Variants in MYZAP observed in about 807,000 individuals in gnomAD.
MYZAP encodes myocardial zonula adherens protein.
In MYZAP, 66 loss-of-function variants were observed where a neutral mutation model predicts 69.4. The ratio of observed to expected loss-of-function variants is 0.95; its 90% CI spans 0.78 to 1.17. The LOEUF (loss-of-function observed/expected upper bound fraction) is 1.17. Among genes scored for constraint, MYZAP ranks in the 50% most tolerant of loss-of-function variants. The pLI, the probability that MYZAP is intolerant of heterozygous loss-of-function variation, is 0.00. For missense variants in MYZAP, 611 were observed against 556.2 expected (o/e 1.10, Z -0.99); for synonymous variants, 256 against 205.9 (o/e 1.24, Z -2.09).
intron 4 of MYZAP, among the ~76,000 whole-genome samples, chr15:57,622,905 A>G (rs1333019211): frequency 4.6e-5 from 7 of 152,250 alleles, no homozygotes; most frequent in Admixed American, 3.9e-4. Context: ...TGTCAAAGTC[A>G]AATGACCGGG....
rs761744889 is a variant in MYZAP, at chr15:57,684,381, C to T, written c.1305-21C>T. On this transcript the variant is annotated intron_variant, in intron 12 of 12. Transcript: ENST00000267853. The stretch of plus-strand genomic sequence containing the variant: ...TTTTGTTTTGTTTCATTTTCCTGAC[C>T]TGCATTTTCTCATTTCTCAGCCAAA... The T allele has an allele frequency of 1.3e-5, 21 of 1,566,126 alleles. No individual in the cohort carries two copies. In the African/African-American group the frequency reaches 2.4e-4, roughly 18 times the overall value.
intron 11 of MYZAP, among the ~76,000 whole-genome samples, chr15:57,664,349 A>G (rs562401414): frequency 2.0e-5 from 3 of 152,286 alleles, no homozygotes; most frequent in South Asian, 2.1e-4. Context: ...TTCTTTATCA[A>G]TATTTCATCA....
chr15:57,684,559 A>G lies in MYZAP; in HGVS notation c.*61A>G, dbSNP rs1328523168. ...AAGCTCTGGAACCCTGTGGCTTCAA[A>G]TCCTTTGGGAAGGGTGACTGTTGTT... On this transcript the variant is annotated 3_prime_UTR_variant, in exon 13 of 13. Coordinates refer to ENST00000267853, the MANE Select transcript of MYZAP (RefSeq NM_001018100.5). The G allele has an allele frequency of 2.0e-5, 22 of 1,088,726 alleles. No homozygotes were observed. Among genetic ancestry groups the G allele is most frequent in the Non-Finnish European group, 2.3e-5 (17 of 724,568 alleles). 67.4% of individuals were successfully genotyped at this position (1,088,726 alleles called of 1,614,324 possible). A position where few individuals can be genotyped will look rare whatever the true frequency, so the allele number is the denominator to read the frequency against.
chr15:57,652,306 T>C (rs1595912328), intron 10 of MYZAP, among the ~76,000 whole-genome samples: 1 of 152,214 alleles, frequency 6.6e-6, no homozygotes, highest in Admixed American at 6.5e-5. Context: ...TTCATGCTTA[T>C]TAAACTCTTC....
At chr15:57,634,417 C>T (rs1241320186) in intron 8 of MYZAP, among the ~76,000 whole-genome samples, 1 of 152,154 alleles carries the variant, frequency 6.6e-6, no homozygotes, top group African/African-American at 2.4e-5. Flanking sequence ...TGGCTGGTTT[C>T]TGGGAATGGC....
chr15:57,604,693 C>A (rs2034634663), intron 2 of MYZAP, among the ~76,000 whole-genome samples: 1 of 152,160 alleles, frequency 6.6e-6, no homozygotes, highest in Admixed American at 6.5e-5. Context: ...TTCAAAGGGC[C>A]TATTGTGAGC....
intron 4 of MYZAP, among the ~76,000 whole-genome samples, chr15:57,625,542 C>G (rs2036079584): frequency 6.6e-6 from 1 of 152,182 alleles, no homozygotes; most frequent in South Asian, 2.1e-4. Flanking sequence ...CATTCTGACT[C>G]CTGCACAGTG....
intron 2 of MYZAP, among the ~76,000 whole-genome samples, chr15:57,612,242 A>C (rs1321693944): frequency 1.3e-5 from 2 of 152,168 alleles, no homozygotes; most frequent in African/African-American, 4.8e-5. Context: ...CCAGTCTGGA[A>C]GTCACACGAG....
At chr15:57,639,888 G>T (rs2554027) in intron 10 of MYZAP, among the ~76,000 whole-genome samples, 3 of 152,112 alleles carry the variant, frequency 2.0e-5, no homozygotes, top group Admixed American at 2.0e-4. Context: ...ATTTAGCCCA[G>T]GTCCCTGCAC....
intron 2 of MYZAP, among the ~76,000 whole-genome samples, chr15:57,610,663 A>T (rs917776153): frequency 6.6e-6 from 1 of 152,130 alleles, no homozygotes; most frequent in Non-Finnish European, 1.5e-5. Flanking sequence ...ACATTCCTTT[A>T]TTCACGTTGA....
intron 12 of MYZAP, among the ~76,000 whole-genome samples, chr15:57,676,438 A>G (rs200909403): frequency 1.6e-5 from 2 of 126,080 alleles, no homozygotes; most frequent in African/African-American, 6.8e-5. Context: ...ATATATATGT[A>G]TATATATATA....
In MYZAP at chr15:57,646,374, C is replaced by T. The variant is rs1393291591; in HGVS notation, c.1119+6829C>T. 6.0e-6 allele frequency: 7 copies of T among 1,173,720 alleles called. No individual in the cohort carries two copies. In the South Asian group the frequency reaches 1.0e-4, roughly 17 times the overall value. 72.7% of individuals were successfully genotyped at this position (1,173,720 alleles called of 1,614,324 possible). ...TGGGGCTCTTGTTTGTGAAAACACC[C>T]ACATACTGTCACCCTGACTTGTACA... On this transcript the variant is annotated intron_variant, in intron 10 of 12. Transcript: ENST00000267853.
intron 1 of MYZAP, among the ~76,000 whole-genome samples, chr15:57,597,367 G>C (rs1168686661): frequency 6.6e-6 from 1 of 152,170 alleles, no homozygotes; most frequent in African/African-American, 2.4e-5. Context: ...GTATTTTTTA[G>C]GAAGCTTCCC....
Position 57,599,377 on chromosome 15 carries a change from G to A in MYZAP, c.76-4892G>A, listed in dbSNP as rs562767299. 4.0e-5 allele frequency: 33 copies of A among 821,098 alleles called. No homozygotes were observed. In the South Asian group the frequency reaches 9.2e-4, roughly 23 times the overall value. The allele number at this position is 821,098 out of a possible 1,614,324, so 50.9% of individuals were successfully genotyped here. A position where few individuals can be genotyped will look rare whatever the true frequency, so the allele number is the denominator to read the frequency against. On this transcript the variant is annotated intron_variant, in intron 1 of 12. Coordinates refer to ENST00000267853, the MANE Select transcript of MYZAP (RefSeq NM_001018100.5). ...ATTTTTTTTTTTTTTTGCCATCGTCGTACCCTCATAGTCCCTAAAAATATT... is the reference window on the plus strand; with the variant it reads ...ATTTTTTTTTTTTTTTGCCATCGTCATACCCTCATAGTCCCTAAAAATATT...
At chr15:57,599,757 C>CGGAAGGTGAATGAATGGAG (rs1567198530) in intron 1 of MYZAP, 8 of 1,242,580 alleles carry the variant, frequency 6.4e-6, no homozygotes, top group Non-Finnish European at 8.5e-6. Context: ...GGGGAGATTG[C>CGGAAGGTGAATGAATGGAG]GGAAGGTGAA....
intron 9 of MYZAP, among the ~76,000 whole-genome samples, chr15:57,639,181 CA>C (rs1417796002): frequency 6.6e-6 from 1 of 151,760 alleles, no homozygotes; most frequent in Non-Finnish European, 1.5e-5. Flanking sequence ...AAACCTTCCC[CA>C]AAAGATACAT....
At chr15:57,619,482 A>G (rs1386342642) in intron 3 of MYZAP, among the ~76,000 whole-genome samples, 1 of 152,112 alleles carries the variant, frequency 6.6e-6, no homozygotes, top group Non-Finnish European at 1.5e-5. Flanking sequence ...CCCTCAAGTG[A>G]TCCTCCTGCC....
chr15:57,612,338 G>C (rs184503629), intron 2 of MYZAP, among the ~76,000 whole-genome samples: 7 of 152,334 alleles, frequency 4.6e-5, no homozygotes, highest in Non-Finnish European at 8.8e-5. Context: ...GGGACTGGCT[G>C]TGTTAGTCTG....
At chr15:57,637,633 A>C (rs2036890515) in intron 8 of MYZAP, 62 bp from the exon 9 acceptor site, 15 of 1,564,854 alleles carry the variant, frequency 9.6e-6, no homozygotes, top group Non-Finnish European at 1.3e-5. Flanking sequence ...GAATTGCTAA[A>C]TAGACATTCT....
Sources: allele counts gnomAD v4.1 joint callset (sites outside exome capture counted in the v4.1 genomes callset), GRCh38; gene constraint gnomAD v4.1.1; transcripts MANE v1.5; gene names NCBI Gene and HGNC (gene_info 2026-07-23, HGNC 2026-07-21).